Variants in XKR6 observed in about 807,000 individuals in gnomAD.
The protein encoded by XKR6 is XK related 6.
In XKR6, 22 loss-of-function variants were observed where a neutral mutation model predicts 56.7. The ratio of observed to expected loss-of-function variants is 0.39; its 90% CI spans 0.28 to 0.55. The LOEUF (loss-of-function observed/expected upper bound fraction) is 0.55, where lower values mean the gene tolerates loss of function less well. XKR6 is among the 20% of genes least tolerant of loss of function. The probability of loss-of-function intolerance (pLI) is 0.66; values close to 1 mark genes in which losing one functional copy is unlikely to be tolerated. For missense variants in XKR6, 852 were observed against 889.0 expected (o/e 0.96, Z 0.53); for synonymous variants, 524 against 387.8 (o/e 1.35, Z -4.13).
intron 1 of XKR6, among the ~76,000 whole-genome samples, chr8:11,129,766 C>T (rs1014750210): frequency 2.0e-5 from 3 of 152,186 alleles, no homozygotes; most frequent in African/African-American, 7.2e-5. Flanking sequence ...GACAGGGAAA[C>T]AGGACAGAGG....
intron 1 of XKR6, among the ~76,000 whole-genome samples, chr8:11,116,169 C>T (rs1489540489): frequency 6.6e-6 from 1 of 152,198 alleles, no homozygotes; most frequent in Non-Finnish European, 1.5e-5. Flanking sequence ...TATGTGCAAG[C>T]AGTGAAACCC....
chr8:11,140,792 G>A (rs1033973228), intron 1 of XKR6, among the ~76,000 whole-genome samples: 1 of 151,798 alleles, frequency 6.6e-6, no homozygotes, highest in Non-Finnish European at 1.5e-5. Flanking sequence ...CAGCTACTCG[G>A]GAGGCTGAGG....
intron 1 of XKR6, among the ~76,000 whole-genome samples, chr8:11,085,454 G>T (rs1239180108): frequency 6.6e-6 from 1 of 152,050 alleles, no homozygotes; most frequent in Non-Finnish European, 1.5e-5. Flanking sequence ...GTGTGTGTGT[G>T]TGTATGTATG....
rs1804205509 is a variant in XKR6 at position 11,201,122 on chromosome 8, C to G, written c.218G>C (p.Cys73Ser). The change falls in exon 1 of 3, where the codon TGC (cysteine) becomes TCC (serine). Residue 73 changes from cysteine (C) to serine (S), a missense_variant. Coordinates refer to ENST00000416569, the MANE Select transcript of XKR6 (RefSeq NM_173683.4). The stretch of plus-strand genomic sequence containing the variant: ...CTTCCTGCCCAGGAGGGAGCGCAGG[C>G]AGGCGGAGCGGCAGCCCCAGTAGCA... ...SSCYWGCRSA[C>S]LRSLLGRKPR... 6.6e-7 allele frequency: 1 copy of G among 1,510,434 alleles called. No individual in the cohort carries two copies. The highest frequency in any genetic ancestry group is 1.4e-5 in the African/African-American group (1 of 69,410). The allele number at this position is 1,510,434 out of a possible 1,614,324, so 93.6% of individuals were successfully genotyped here.
chr8:11,158,717 G>C (rs1231503301), intron 1 of XKR6, among the ~76,000 whole-genome samples: 1 of 152,176 alleles, frequency 6.6e-6, no homozygotes, highest in African/African-American at 2.4e-5. Context: ...CATGTGCACA[G>C]ACAGGAATGG....
chr8:11,191,728 C>G (rs1019189436), intron 1 of XKR6, among the ~76,000 whole-genome samples: 1 of 149,744 alleles, frequency 6.7e-6, no homozygotes, highest in African/African-American at 2.5e-5. Context: ...CAGAGAGGGA[C>G]TATTCTAAAG....
chr8:11,103,232 T>C (rs1236842958), intron 1 of XKR6, among the ~76,000 whole-genome samples: 1 of 152,138 alleles, frequency 6.6e-6, no homozygotes, highest in African/African-American at 2.4e-5. Context: ...TACAGTGACT[T>C]CCTAGAGAGA....
At chr8:11,070,712 T>A (rs1800092939) in intron 1 of XKR6, among the ~76,000 whole-genome samples, 1 of 152,190 alleles carries the variant, frequency 6.6e-6, no homozygotes, top group Admixed American at 6.5e-5. Context: ...TACAGATGAT[T>A]CCATTTGAAC....
At chr8:11,045,269 G>C (rs1159020354) in intron 1 of XKR6, among the ~76,000 whole-genome samples, 1 of 151,202 alleles carries the variant, frequency 6.6e-6, no homozygotes, top group African/African-American at 2.4e-5. Flanking sequence ...GTATTTTTTG[G>C]TGGAGACAGG....
chr8:11,122,162 T>A (rs2898263), intron 1 of XKR6, among the ~76,000 whole-genome samples: 4,130 of 152,210 alleles, frequency 0.027, 184 homozygotes, highest in African/African-American at 0.095. Context: ...TGATCTTAAG[T>A]CTCCAAGCCC....
chr8:10,941,586 C>A (rs1801388189), intron 1 of XKR6, among the ~76,000 whole-genome samples: 1 of 152,224 alleles, frequency 6.6e-6, no homozygotes, highest in South Asian at 2.1e-4. Context: ...GTCCCCAGCC[C>A]CTACCAGAGG....
intron 1 of XKR6, among the ~76,000 whole-genome samples, chr8:11,113,613 A>C (rs1051667920): frequency 6.6e-6 from 1 of 152,350 alleles, no homozygotes; most frequent in Middle Eastern, 3.4e-3. Flanking sequence ...TCTAGTCTAA[A>C]AACCTGTAAG....
chr8:11,028,100 C>A (rs1161734126), intron 1 of XKR6, among the ~76,000 whole-genome samples: 1 of 151,862 alleles, frequency 6.6e-6, no homozygotes, highest in Non-Finnish European at 1.5e-5. Flanking sequence ...CCCTAAAAAC[C>A]CCCTGTGCTT....
chr8:11,199,975 A>T (rs1402999672), intron 1 of XKR6, among the ~76,000 whole-genome samples: 1 of 151,756 alleles, frequency 6.6e-6, no homozygotes, highest in Non-Finnish European at 1.5e-5. Context: ...AGCAAACCAA[A>T]AAAAAAAAAA....
At chr8:11,100,908 G>A (rs1309164504) in intron 1 of XKR6, among the ~76,000 whole-genome samples, 1 of 152,182 alleles carries the variant, frequency 6.6e-6, no homozygotes, top group South Asian at 2.1e-4. Flanking sequence ...AGGTGCTGCC[G>A]GGGGCATGCA....
At chr8:10,946,328 G>A (rs1466585248) in intron 1 of XKR6, among the ~76,000 whole-genome samples, 1 of 152,094 alleles carries the variant, frequency 6.6e-6, no homozygotes, top group Non-Finnish European at 1.5e-5. Flanking sequence ...ACTCCACCGG[G>A]GGCTTTGAAT....
At chr8:11,031,139 A>G (rs76851050) in intron 1 of XKR6, among the ~76,000 whole-genome samples, 3,151 of 152,280 alleles carry the variant, frequency 0.021, 110 homozygotes, top group African/African-American at 0.071. Flanking sequence ...TGATTGAACC[A>G]GAGGTGGGCT....
At chr8:11,198,970 T>A (rs561457586) in intron 1 of XKR6, among the ~76,000 whole-genome samples, 1 of 151,944 alleles carries the variant, frequency 6.6e-6, no homozygotes, top group Non-Finnish European at 1.5e-5. Flanking sequence ...TCATTCGATA[T>A]GACTTTGAGT....
At chr8:11,014,639 T>C (rs1216622082) in intron 1 of XKR6, among the ~76,000 whole-genome samples, 1 of 152,144 alleles carries the variant, frequency 6.6e-6, no homozygotes, top group Non-Finnish European at 1.5e-5. Context: ...GCTAACAAAA[T>C]GTAGGTCCCA....
Sources: gnomAD v4.1 joint callset for allele counts (sites outside exome capture counted in the v4.1 genomes callset) on GRCh38, gnomAD v4.1.1 for gene constraint, MANE v1.5 for transcripts, NCBI Gene and HGNC (gene_info 2026-07-23, HGNC 2026-07-21) for gene names.